Variants in BANK1 observed in about 807,000 individuals in gnomAD.
BANK1 encodes the protein B cell scaffold protein with ankyrin repeats 1, also known as B-cell scaffold protein with ankyrin repeats.
BANK1 carries 95 observed loss-of-function variants against 94.5 expected under a neutral mutation model. That is an observed-to-expected ratio of 1.00 (90% CI 0.85 to 1.19). The LOEUF (loss-of-function observed/expected upper bound fraction) is 1.19. BANK1 is among the 50% of genes most tolerant of loss of function. BANK1 has a pLI of 0.00. For synonymous variants in BANK1, 334 were observed against 308.4 expected (o/e 1.08, Z -0.87); for missense variants, 987 against 932.2 (o/e 1.06, Z -0.77).
In BANK1 at chr4:101,868,047, A is replaced by G. The variant is rs575352069; in HGVS notation, c.764-2458A>G. Reference sequence around the variant, plus strand: ...CAGAATGGATAACAAGCAAGACCCAATAATATGTTGTCTATAAAAAACTCA... The same window carrying G: ...CAGAATGGATAACAAGCAAGACCCAGTAATATGTTGTCTATAAAAAACTCA... On this transcript the variant is annotated intron_variant, in intron 4 of 16. Transcript: ENST00000322953. Among the ~76,000 whole-genome samples the G allele has an allele frequency of 3.3e-5, 5 of 152,138 alleles. No homozygotes were observed. The South Asian group carries it at 6.2e-4, about 19-fold the overall frequency.
intron 2 of BANK1, among the ~76,000 whole-genome samples, chr4:101,846,815 G>C (rs770778186): frequency 3.3e-5 from 5 of 152,136 alleles, no homozygotes; most frequent in Non-Finnish European, 7.4e-5. Context: ...GATGAGATTT[G>C]TGTAGGAACA....
Position 101,929,975 on chromosome 4 carries a change from A to G in BANK1, c.1206+11786A>G, listed in dbSNP as rs1268129366. Among the ~76,000 whole-genome samples, 3 of 151,532 alleles carry G rather than the reference A, an allele frequency of 2.0e-5. No individual in the cohort carries two copies. In the South Asian group the frequency reaches 6.2e-4, roughly 31 times the overall value. ...TTTAATATTAGTTTTTCCTTCTCTC[A>G]TGACATCTTCATAACACTTCTAATC... On this transcript the variant is annotated intron_variant, in intron 7 of 16. Coordinates refer to ENST00000322953, the MANE Select transcript of BANK1 (RefSeq NM_017935.5).
chr4:102,054,387 A>G (rs1728157700), intron 11 of BANK1, among the ~76,000 whole-genome samples: 1 of 152,116 alleles, frequency 6.6e-6, no homozygotes, highest in South Asian at 2.1e-4. Flanking sequence ...TAACTCTTGC[A>G]ACAACTCTGT....
At chr4:101,836,897 C>A (rs1726851161) in intron 2 of BANK1, among the ~76,000 whole-genome samples, 1 of 152,204 alleles carries the variant, frequency 6.6e-6, no homozygotes, top group African/African-American at 2.4e-5. Flanking sequence ...CTTCTACATT[C>A]AATTAATTTC....
At chr4:101,870,086 T>G (rs559830997) in intron 4 of BANK1, among the ~76,000 whole-genome samples, 4,881 of 127,758 alleles carry the variant, frequency 0.038, 269 homozygotes, top group African/African-American at 0.13. Flanking sequence ...CAAATTACTA[T>G]TTTTGAGACA....
chr4:101,867,656 TA>T (rs1274573794), intron 4 of BANK1, among the ~76,000 whole-genome samples: 1 of 151,838 alleles, frequency 6.6e-6, no homozygotes, highest in Non-Finnish European at 1.5e-5. Context: ...TTAGGTTTGT[TA>T]AAAATGTATA....
chr4:101,865,511 C>T (rs1728036006), intron 4 of BANK1, among the ~76,000 whole-genome samples: 1 of 152,070 alleles, frequency 6.6e-6, no homozygotes, highest in Non-Finnish European at 1.5e-5. Flanking sequence ...CCAGCATGTT[C>T]TCCATAGCAC....
chr4:101,792,806 G>A (rs1725042398), intron 1 of BANK1, among the ~76,000 whole-genome samples: 1 of 152,134 alleles, frequency 6.6e-6, no homozygotes, highest in Admixed American at 6.6e-5. Flanking sequence ...TAACTGTTGA[G>A]TATCGACTTG....
chr4:101,871,321 G>A (rs1578369410), intron 5 of BANK1, among the ~76,000 whole-genome samples: 1 of 151,898 alleles, frequency 6.6e-6, no homozygotes, highest in South Asian at 2.1e-4. Flanking sequence ...AGAGGTAGAA[G>A]AGGGTAGAGA....
intron 3 of BANK1, among the ~76,000 whole-genome samples, chr4:101,856,815 T>G: frequency 6.6e-6 from 1 of 152,316 alleles, no homozygotes; most frequent in Admixed American, 6.5e-5. Context: ...ATATAAAATT[T>G]CTTTTAGGTA....
At chr4:101,857,684 A>G (rs1178002808) in intron 3 of BANK1, among the ~76,000 whole-genome samples, 1 of 152,214 alleles carries the variant, frequency 6.6e-6, no homozygotes, top group Non-Finnish European at 1.5e-5. Flanking sequence ...CAAACAGCAG[A>G]AAAATATTTT....
intron 1 of BANK1, among the ~76,000 whole-genome samples, chr4:101,823,220 T>C (rs1372825209): frequency 6.6e-6 from 1 of 152,238 alleles, no homozygotes. Context: ...AGGTGCAAGA[T>C]GTTCTCAACC....
At chr4:101,889,596 C>A (rs1453204973) in intron 5 of BANK1, among the ~76,000 whole-genome samples, 3 of 108,428 alleles carry the variant, frequency 2.8e-5, no homozygotes, top group Non-Finnish European at 5.1e-5. Context: ...CAGAGCGAGA[C>A]TCCGTCTCAA....
chr4:101,959,359 C>T (rs545099602), intron 7 of BANK1, among the ~76,000 whole-genome samples: 1 of 152,134 alleles, frequency 6.6e-6, no homozygotes, highest in African/African-American at 2.4e-5. Context: ...AGGCTGGTCT[C>T]AAACTCCTGA....
chr4:101,979,316 A>C (rs1725247160), intron 7 of BANK1, among the ~76,000 whole-genome samples: 1 of 151,952 alleles, frequency 6.6e-6, no homozygotes, highest in South Asian at 2.1e-4. Context: ...TAAAAAATTA[A>C]TTTGTATAAA....
intron 1 of BANK1, among the ~76,000 whole-genome samples, chr4:101,816,199 G>A (rs1479893667): frequency 2.0e-5 from 3 of 152,152 alleles, no homozygotes; most frequent in Middle Eastern, 3.2e-3. Flanking sequence ...ATAATTGCTC[G>A]CAAAGGAAAA....
intron 5 of BANK1, among the ~76,000 whole-genome samples, chr4:101,891,290 T>C (rs1293693007): frequency 6.6e-6 from 1 of 152,166 alleles, no homozygotes; most frequent in East Asian, 1.9e-4. Flanking sequence ...TCTGGGTTGA[T>C]AGTTCTTTTA....
intron 7 of BANK1, among the ~76,000 whole-genome samples, chr4:101,942,758 A>G (rs1240617564): frequency 6.6e-6 from 1 of 151,926 alleles, no homozygotes; most frequent in African/African-American, 2.4e-5. Flanking sequence ...GAAAAGGTAG[A>G]AAAATAGCAA....
At chr4:102,049,743 T>TAATTA (rs1047701011) in intron 11 of BANK1, among the ~76,000 whole-genome samples, 13 of 152,292 alleles carry the variant, frequency 8.5e-5, no homozygotes, top group Non-Finnish European at 1.6e-4. Context: ...AGTCTCTTAA[T>TAATTA]AGACAGAAAA....
Sources: gnomAD v4.1 joint callset for allele counts (sites outside exome capture counted in the v4.1 genomes callset) on GRCh38, gnomAD v4.1.1 for gene constraint, MANE v1.5 for transcripts, NCBI Gene and HGNC (gene_info 2026-07-23, HGNC 2026-07-21) for gene names.